Variants in LDLRAD4 observed in about 807,000 individuals in gnomAD.
The protein encoded by LDLRAD4 is low-density lipoprotein receptor class A domain-containing protein 4.
LDLRAD4 carries 5 observed loss-of-function variants against 17.0 expected under a neutral mutation model. The ratio of observed to expected loss-of-function variants is 0.29; its 90% CI spans 0.15 to 0.62. The LOEUF (loss-of-function observed/expected upper bound fraction) is 0.62, where lower values mean the gene tolerates loss of function less well. LDLRAD4 is among the 20% of genes least tolerant of loss of function. LDLRAD4 has a pLI of 0.84. For synonymous variants in LDLRAD4, 168 were observed against 171.8 expected, an observed-to-expected ratio of 0.98 and a Z score of 0.17; for missense variants, 340 against 424.7, an observed-to-expected ratio of 0.80 and a Z score of 1.75.
At chr18:13,613,529 C>T (rs1281416129) in intron 3 of LDLRAD4, 6 of 152,192 alleles carry the variant, frequency 3.9e-5, no homozygotes, top group Admixed American at 1.3e-4. Context: ...TTTATAATTG[C>T]TCTTACTCCT....
chr18:13,505,976 G>A (rs1243888819), intron 3 of LDLRAD4, among the ~76,000 whole-genome samples: 1 of 152,144 alleles, frequency 6.6e-6, no homozygotes, highest in Non-Finnish European at 1.5e-5. Flanking sequence ...TTCCTGCACT[G>A]CACGAGCTGT....
exon 6 of LDLRAD4, chr18:13,650,420 A>G: frequency 2.5e-6 from 1 of 398,632 alleles, no homozygotes; most frequent in Non-Finnish European, 4.4e-6. Context: ...TAGAGATTAT[A>G]TATACACTAT....
At chr18:13,437,383 T>C (rs2090734782) in intron 2 of LDLRAD4, among the ~76,000 whole-genome samples, 1 of 152,252 alleles carries the variant, frequency 6.6e-6, no homozygotes, top group Non-Finnish European at 1.5e-5. Context: ...CACTGTAAGA[T>C]GTAATGGACC....
chr18:13,652,233 A>C (rs2043276642), exon 6 of LDLRAD4: 3 of 152,240 alleles, frequency 2.0e-5, no homozygotes, highest in Admixed American at 1.3e-4. Context: ...GGACGAATTG[A>C]GGCTTAAACT....
chr18:13,292,684 T>C (rs962127054), intron 1 of LDLRAD4, among the ~76,000 whole-genome samples: 5 of 152,232 alleles, frequency 3.3e-5, no homozygotes, highest in Non-Finnish European at 7.3e-5. Context: ...AAGATCTTTC[T>C]TGGTTTCTGC....
At chr18:13,539,136 CT>C (rs1440171707) in intron 3 of LDLRAD4, among the ~76,000 whole-genome samples, 1 of 152,102 alleles carries the variant, frequency 6.6e-6, no homozygotes, top group African/African-American at 2.4e-5. Context: ...CTTTTATAGG[CT>C]TGTTTGAGTG....
chr18:13,536,097 T>A (rs2094197642), intron 3 of LDLRAD4, among the ~76,000 whole-genome samples: 1 of 152,198 alleles, frequency 6.6e-6, no homozygotes, highest in East Asian at 1.9e-4. Context: ...TCCAACCTTA[T>A]CCCTTTTCAA....
intron 3 of LDLRAD4, among the ~76,000 whole-genome samples, chr18:13,575,569 C>T (rs2094757539): frequency 6.6e-6 from 1 of 152,204 alleles, no homozygotes; most frequent in South Asian, 2.1e-4. Context: ...ACTTATTTTC[C>T]TCTGGGTAGA....
intron 1 of LDLRAD4, among the ~76,000 whole-genome samples, chr18:13,286,343 A>G (rs1264621002): frequency 6.6e-6 from 1 of 152,248 alleles, no homozygotes. Flanking sequence ...ACAGTTGGAA[A>G]AGAAAGTTAG....
At chr18:13,238,720 G>A (rs1266283686) in intron 1 of LDLRAD4, among the ~76,000 whole-genome samples, 1 of 152,106 alleles carries the variant, frequency 6.6e-6, no homozygotes, top group Non-Finnish European at 1.5e-5. Context: ...ACCTGGGAGG[G>A]GCCTACACAT....
chr18:13,541,758 A>G (rs909116448), intron 3 of LDLRAD4, among the ~76,000 whole-genome samples: 2 of 152,214 alleles, frequency 1.3e-5, no homozygotes, highest in African/African-American at 4.8e-5. Context: ...TGAGAGTAAT[A>G]TATGAAAAAG....
chr18:13,598,521 T>A (rs1490200750), intron 3 of LDLRAD4, among the ~76,000 whole-genome samples: 1 of 152,234 alleles, frequency 6.6e-6, no homozygotes, highest in East Asian at 1.9e-4. Flanking sequence ...GATCTAGCCT[T>A]TGAGGTTTGT....
chr18:13,438,428 C>T, intron 3 of LDLRAD4, 44 bp downstream of exon 4: 1 of 1,574,992 alleles, frequency 6.3e-7, no homozygotes, highest in Non-Finnish European at 8.7e-7. Flanking sequence ...TGATGTGGTT[C>T]TGAAACGGTT....
chr18:13,440,427 T>C lies in LDLRAD4; in HGVS notation c.181+2043T>C, dbSNP rs554097855. Among the ~76,000 whole-genome samples, 21 of 152,346 alleles carry C rather than the reference T, an allele frequency of 1.4e-4. No homozygotes were observed. In the South Asian group the frequency reaches 4.1e-3, roughly 30 times the overall value. On this transcript the variant is annotated intron_variant, in intron 3 of 5. Transcript: ENST00000359446. The surrounding 1 kb of genome is among the most constrained non-coding windows in gnomAD (Gnocchi z 4.4). ...ATCCATCAGTGGCTCAACTTTGCCC[T>C]AACAGAGGAGTCTTACGATCCTGTT... is the stretch of plus-strand genomic sequence containing the variant.
chr18:13,616,603 G>A (rs1568411651), intron 3 of LDLRAD4, among the ~76,000 whole-genome samples: 3 of 152,150 alleles, frequency 2.0e-5, no homozygotes, highest in Non-Finnish European at 2.9e-5. Flanking sequence ...GGAGGGCTTC[G>A]GGAGCACCCA....
At chr18:13,327,626 T>C (rs904724171) in intron 1 of LDLRAD4, among the ~76,000 whole-genome samples, 8 of 151,960 alleles carry the variant, frequency 5.3e-5, no homozygotes, top group Non-Finnish European at 7.4e-5. Flanking sequence ...AAGTGGTACT[T>C]GATGGCCTAG....
At chr18:13,366,934 A>G (rs1458437653) in intron 1 of LDLRAD4, among the ~76,000 whole-genome samples, 2 of 152,212 alleles carry the variant, frequency 1.3e-5, no homozygotes, top group Non-Finnish European at 2.9e-5. Context: ...GCTGGTCCTC[A>G]TTCTGATCCT....
At chr18:13,496,542 C>T (rs1175901266) in intron 3 of LDLRAD4, among the ~76,000 whole-genome samples, 1 of 152,272 alleles carries the variant, frequency 6.6e-6, no homozygotes, top group East Asian at 1.9e-4. Context: ...CGGAGGAGAT[C>T]GAAATTCAGC....
chr18:13,637,327 C>T (rs188226284), intron 4 of LDLRAD4, among the ~76,000 whole-genome samples: 128 of 152,106 alleles, frequency 8.4e-4, no homozygotes, highest in African/African-American at 3.0e-3. Context: ...TGTGTAGCAC[C>T]TGGGGTTCTT....
Sources: allele counts gnomAD v4.1 joint callset (sites outside exome capture counted in the v4.1 genomes callset), GRCh38; gene constraint gnomAD v4.1.1; non-coding constraint Gnocchi (gnomAD v3.1); transcripts MANE v1.5; gene names NCBI Gene and HGNC (gene_info 2026-07-23, HGNC 2026-07-21).